Variants in LHFPL3 observed in about 807,000 individuals in gnomAD.
LHFPL3 encodes LHFPL tetraspan subfamily member 3, also known as LHFPL tetraspan subfamily member 3 protein.
LHFPL3 carries 5 observed loss-of-function variants against 19.3 expected under a neutral mutation model. That is an observed-to-expected ratio of 0.26 (90% confidence interval 0.14 to 0.54). The LOEUF (loss-of-function observed/expected upper bound fraction) is 0.54. Among genes scored for constraint, LHFPL3 ranks in the 20% least tolerant of loss-of-function variants. The pLI is 0.94. For synonymous variants in LHFPL3, 133 were observed against 126.2 expected, an observed-to-expected ratio of 1.05 and a Z score of -0.36; for missense variants, 249 against 307.4, an observed-to-expected ratio of 0.81 and a Z score of 1.42.
intron 1 of LHFPL3, among the ~76,000 whole-genome samples, chr7:104,424,446 C>T (rs1482739024): frequency 1.3e-5 from 2 of 151,862 alleles, no homozygotes; most frequent in Admixed American, 6.5e-5. Flanking sequence ...AAAATGGTCC[C>T]AGCTTTCCAT....
chr7:104,446,082 C>T (rs1355912556), intron 1 of LHFPL3, among the ~76,000 whole-genome samples: 1 of 152,082 alleles, frequency 6.6e-6, no homozygotes, highest in African/African-American at 2.4e-5. Flanking sequence ...TGATAAAATG[C>T]CTTCTAGGTC....
At chr7:104,603,458 G>C (rs1013117291) in intron 1 of LHFPL3, among the ~76,000 whole-genome samples, 1 of 151,990 alleles carries the variant, frequency 6.6e-6, no homozygotes, top group Non-Finnish European at 1.5e-5. Context: ...CAAAATTCAT[G>C]TTCTCCTCAA....
intron 1 of LHFPL3, among the ~76,000 whole-genome samples, chr7:104,562,956 G>A (rs925398377): frequency 1.3e-5 from 2 of 152,178 alleles, no homozygotes; most frequent in African/African-American, 4.8e-5. Context: ...AGGTGTCAGT[G>A]TGCCTCTGCT....
intron 2 of LHFPL3, among the ~76,000 whole-genome samples, chr7:104,770,026 T>C (rs185240058): frequency 6.6e-6 from 1 of 152,260 alleles, no homozygotes; most frequent in African/African-American, 2.4e-5. Flanking sequence ...ATTTCTTTAT[T>C]TAACATATCA....
intron 1 of LHFPL3, among the ~76,000 whole-genome samples, chr7:104,620,083 G>A (rs1272293478): frequency 6.6e-6 from 1 of 152,126 alleles, no homozygotes; most frequent in Non-Finnish European, 1.5e-5. Flanking sequence ...TGTGCTGCCT[G>A]GTTCTGATAC....
intron 1 of LHFPL3, among the ~76,000 whole-genome samples, chr7:104,421,280 G>T (rs1432523987): frequency 1.3e-5 from 2 of 152,060 alleles, no homozygotes; most frequent in South Asian, 4.1e-4. Context: ...GCTCCTGTAG[G>T]AAAAAAAGAC....
intron 1 of LHFPL3, among the ~76,000 whole-genome samples, chr7:104,531,589 G>A (rs1333938613): frequency 6.6e-6 from 1 of 152,138 alleles, no homozygotes; most frequent in Non-Finnish European, 1.5e-5. Context: ...CCTACTGTGT[G>A]CAGTCATGTC....
intron 1 of LHFPL3, among the ~76,000 whole-genome samples, chr7:104,402,811 A>G (rs1238780931): frequency 1.3e-5 from 2 of 152,246 alleles, no homozygotes; most frequent in Non-Finnish European, 1.5e-5. Flanking sequence ...CCACAATGTA[A>G]TAAGACACAC....
intron 1 of LHFPL3, among the ~76,000 whole-genome samples, chr7:104,532,958 A>T (rs1351952171): frequency 6.6e-6 from 1 of 152,186 alleles, no homozygotes; most frequent in Non-Finnish European, 1.5e-5. Context: ...TAATGTGTCA[A>T]GGAGGAGAGA....
At chr7:104,834,162 C>T (rs1258117202) in intron 2 of LHFPL3, among the ~76,000 whole-genome samples, 1 of 151,180 alleles carries the variant, frequency 6.6e-6, no homozygotes, top group Non-Finnish European at 1.5e-5. Flanking sequence ...GGTCTGCCTT[C>T]CCCAGCCCAC....
chr7:104,728,464 G>C (rs1793630079), intron 1 of LHFPL3, among the ~76,000 whole-genome samples: 1 of 152,088 alleles, frequency 6.6e-6, no homozygotes, highest in African/African-American at 2.4e-5. Flanking sequence ...CCCAGTAACT[G>C]ATCTCCTTAT....
intron 2 of LHFPL3, among the ~76,000 whole-genome samples, chr7:104,876,369 G>C (rs1346415419): frequency 6.6e-6 from 1 of 152,148 alleles, no homozygotes; most frequent in African/African-American, 2.4e-5. Context: ...GAAAATTTTT[G>C]CATCTACTCA....
At chr7:104,780,037 G>A (rs1321654587) in intron 2 of LHFPL3, among the ~76,000 whole-genome samples, 18 of 152,190 alleles carry the variant, frequency 1.2e-4, no homozygotes, top group East Asian at 1.9e-4. Context: ...AGGCAACCAG[G>A]AGGAACTCCC....
intron 1 of LHFPL3, among the ~76,000 whole-genome samples, chr7:104,422,359 T>TC (rs1791747841): frequency 7.4e-6 from 1 of 135,384 alleles, no homozygotes; most frequent in African/African-American, 3.2e-5. Flanking sequence ...AGACTCTGTC[T>TC]CAAAACAACA....
At chr7:104,508,992 C>G (rs913791068) in intron 1 of LHFPL3, among the ~76,000 whole-genome samples, 2 of 151,876 alleles carry the variant, frequency 1.3e-5, no homozygotes, top group Non-Finnish European at 2.9e-5. Flanking sequence ...ATAAATTCGA[C>G]AAATTAGACA....
At chr7:104,768,790 T>C (rs1363836192) in intron 2 of LHFPL3, 3 of 152,238 alleles carry the variant, frequency 2.0e-5, no homozygotes, top group Non-Finnish European at 4.4e-5. Context: ...AGATGGTCTA[T>C]TCTGTTGCAC....
In LHFPL3 at chr7:104,413,022, C is replaced by T. The variant is rs541576749; in HGVS notation, c.445+83798C>T. On this transcript the variant is annotated intron_variant, in intron 1 of 2. Coordinates refer to ENST00000424859, the MANE Select transcript of LHFPL3 (RefSeq NM_199000.3). ...ACAGAATAAGGGACAGAATGGATTACAAACCTGCTCCTTATCCATATACTC... is the reference window on the plus strand; with the variant it reads ...ACAGAATAAGGGACAGAATGGATTATAAACCTGCTCCTTATCCATATACTC... Among the ~76,000 whole-genome samples the T allele has an allele frequency of 5.3e-5, 8 of 152,308 alleles. No individual in the cohort carries two copies. In the South Asian group the frequency reaches 1.7e-3, roughly 32 times the overall value.
chr7:104,717,325 A>C (rs1793405552), intron 1 of LHFPL3, among the ~76,000 whole-genome samples: 1 of 152,226 alleles, frequency 6.6e-6, no homozygotes, highest in South Asian at 2.1e-4. Context: ...CAAACTAAAA[A>C]GCTTCTGCAG....
chr7:104,705,102 T>C (rs915569875), intron 1 of LHFPL3, among the ~76,000 whole-genome samples: 1 of 152,230 alleles, frequency 6.6e-6, no homozygotes, highest in Non-Finnish European at 1.5e-5. Flanking sequence ...ACTTAAAAGA[T>C]TTATTTCTTA....
Sources: allele counts gnomAD v4.1 joint callset (sites outside exome capture counted in the v4.1 genomes callset), GRCh38; gene constraint gnomAD v4.1.1; transcripts MANE v1.5; gene names NCBI Gene and HGNC (gene_info 2026-07-23, HGNC 2026-07-21).